WDFY3: variants seen among roughly 807,000 people sequenced by gnomAD.
WDFY3 encodes WD repeat and FYVE domain containing 3.
Under a neutral mutation model 409.6 loss-of-function variants are expected in WDFY3, and 66 were observed. The ratio of observed to expected loss-of-function variants is 0.16; its 90% CI spans 0.13 to 0.20. The LOEUF is 0.20. WDFY3 is among the 10% of genes least tolerant of loss of function. WDFY3 has a pLI of 1.00. For synonymous variants in WDFY3, 1,521 were observed against 1,537.1 expected (o/e 0.99, Z 0.25); for missense variants, 3,031 against 4,298.1 (o/e 0.71, Z 8.24).
chr4:84,678,836 G>T (rs1726813202), intron 65 of WDFY3, 83 bp downstream of exon 65: 27 of 1,442,032 alleles, frequency 1.9e-5, no homozygotes, highest in Non-Finnish European at 2.4e-5. Context: ...GGGGCCCAGG[G>T]AGAGCTAGAC....
chr4:84,865,767 T>G (rs1213457530), intron 3 of WDFY3, among the ~76,000 whole-genome samples: 1 of 152,168 alleles, frequency 6.6e-6, no homozygotes, highest in Non-Finnish European at 1.5e-5. Flanking sequence ...TCTGACACGT[T>G]GCTCTTTTAC....
At chr4:84,799,849 C>CT (rs1311950861) in intron 17 of WDFY3, among the ~76,000 whole-genome samples, 1 of 152,168 alleles carries the variant, frequency 6.6e-6, no homozygotes, top group South Asian at 2.1e-4. Flanking sequence ...CATTTGACTT[C>CT]TTTTTTCTGA....
In WDFY3 at chr4:84,922,491, T is replaced by C. The variant is rs191598354; in HGVS notation, c.-132+9779A>G. Among the ~76,000 whole-genome samples the C allele has an allele frequency of 1.3e-3, 198 of 152,326 alleles. 2 individuals carry two copies. Among genetic ancestry groups the C allele is most frequent in the African/African-American group, 4.4e-3 (182 of 41,576 alleles). On this transcript the variant is annotated intron_variant, in intron 2 of 67. Coordinates refer to ENST00000295888, the MANE Select transcript of WDFY3 (RefSeq NM_014991.6). ...TTTATTAAATTGTAAGTGTGAGTAGTTGTGTGTCAGGACAGGCAGAGTAAA... is the reference window on the plus strand; with the variant it reads ...TTTATTAAATTGTAAGTGTGAGTAGCTGTGTGTCAGGACAGGCAGAGTAAA...
intron 40 of WDFY3, among the ~76,000 whole-genome samples, chr4:84,737,966 A>G (rs1737748004): frequency 6.6e-6 from 1 of 152,138 alleles, no homozygotes; most frequent in South Asian, 2.1e-4. Context: ...CCCAAATGAT[A>G]TTGATGTTGC....
At position 84,671,593 on chromosome 4, in the gene WDFY3, C is replaced by A. The variant is rs1725452419; in HGVS notation, c.*1275G>T. The A allele has an allele frequency of 6.6e-6, 1 of 151,814 alleles. No homozygotes were observed. Among genetic ancestry groups the A allele is most frequent in the Non-Finnish European group, 1.5e-5 (1 of 67,876 alleles). 9.4% of individuals were successfully genotyped at this position (151,814 alleles called of 1,614,324 possible). ...TCTTAGCCCCTTCCAGCTTTAATCC[C>A]CCTGGATTTGTGTGTTCTGTATCCA... On this transcript the variant is annotated 3_prime_UTR_variant, in exon 68 of 68. Coordinates refer to ENST00000295888, the MANE Select transcript of WDFY3 (RefSeq NM_014991.6).
Position 84,786,048 on chromosome 4 carries a change from C to A in WDFY3, c.3993G>T (p.Val1331=), listed in dbSNP as rs1284147265. The A allele has an allele frequency of 4.3e-6, 7 of 1,614,038 alleles. No individual in the cohort carries two copies. The highest frequency in any genetic ancestry group is 5.9e-6 in the Non-Finnish European group (7 of 1,179,970). ...GGATTCTTGCCACTGTTAGAGACGACACAGAGAGTGCATAGAGGCCAAATG... is the reference window on the plus strand; with the variant it reads ...GGATTCTTGCCACTGTTAGAGACGAAACAGAGAGTGCATAGAGGCCAAATG... ...KVSFGLYALS[V]SSLTVARIRK... The change falls in exon 24 of 68, where the codon GTG becomes GTT. Residue 1331 remains valine, a synonymous_variant. Transcript: ENST00000295888.
At chr4:84,813,855 T>C (rs993316175) in intron 13 of WDFY3, among the ~76,000 whole-genome samples, 3 of 152,212 alleles carry the variant, frequency 2.0e-5, no homozygotes, top group Non-Finnish European at 4.4e-5. Flanking sequence ...TAAAATGTTC[T>C]TCAAATATCG....
At chr4:84,705,586 T>C (rs200767310) in intron 53 of WDFY3, 75 bp from the exon 54 acceptor site, 15 of 1,172,230 alleles carry the variant, frequency 1.3e-5, no homozygotes, top group Admixed American at 5.5e-5. Context: ...ACAGTGGCTG[T>C]TGTGGATGAT....
chr4:84,850,469 A>G (rs1487544273), intron 4 of WDFY3, among the ~76,000 whole-genome samples: 2 of 152,040 alleles, frequency 1.3e-5, no homozygotes, highest in Non-Finnish European at 2.9e-5. Flanking sequence ...GGTGCATGCC[A>G]TCATGCCTGG....
In WDFY3 at chr4:84,957,584, T is replaced by C. The variant is rs550774993; in HGVS notation, c.-226+8625A>G. On this transcript the variant is annotated intron_variant, in intron 1 of 67. Transcript: ENST00000295888. ...AAGCCTGCAACAAGAACTGGGGAAT[T>C]TGGAGTTAATGGTCACAGTTTTATG... 6.6e-5 allele frequency among the ~76,000 whole-genome samples: 10 copies of C among 152,240 alleles called. 1 individual carries two copies. The South Asian group carries it at 1.2e-3, about 19-fold the overall frequency.
At chr4:84,899,308 A>T (rs1766039703) in intron 2 of WDFY3, among the ~76,000 whole-genome samples, 1 of 152,228 alleles carries the variant, frequency 6.6e-6, no homozygotes, top group East Asian at 1.9e-4. Context: ...ATAGACCCTC[A>T]GTGTAAGACA....
In WDFY3 at chr4:84,929,707, C is replaced by G. The variant is rs556079146; in HGVS notation, c.-132+2563G>C. On this transcript the variant is annotated intron_variant, in intron 2 of 67. Coordinates refer to ENST00000295888, the MANE Select transcript of WDFY3 (RefSeq NM_014991.6). ...GGTGGATCACCTGAGGTCAGGAGTT[C>G]GAGAACAGCCTGGCCAACATGGCAA... 1.2e-4 allele frequency among the ~76,000 whole-genome samples: 18 copies of G among 152,048 alleles called. No homozygotes were observed. In the South Asian group the frequency reaches 3.7e-3, roughly 32 times the overall value.
At chr4:84,692,860 A>T (rs1729486799) in intron 59 of WDFY3, 25 bp downstream of exon 59, 1 of 1,571,424 alleles carries the variant, frequency 6.4e-7, no homozygotes, top group African/African-American at 1.4e-5. Flanking sequence ...ATCATTAATC[A>T]AAAGTTTATT....
Position 84,787,682 on chromosome 4 carries a change from G to A in WDFY3, c.3701C>T (p.Ser1234Leu), listed in dbSNP as rs1006925743. 2 of 1,613,912 alleles carry A rather than the reference G, an allele frequency of 1.2e-6. No homozygotes were observed. Among genetic ancestry groups the A allele is most frequent in the Non-Finnish European group, 1.7e-6 (2 of 1,179,918 alleles). The change falls in exon 23 of 68, where the codon TCA becomes TTA. Residue 1234 changes from serine to leucine, a missense_variant. Coordinates refer to ENST00000295888, the MANE Select transcript of WDFY3 (RefSeq NM_014991.6). The stretch of plus-strand genomic sequence containing the variant: ...CACCACTGGTGGATTTGCCGAACCT[G>A]AACCCCCTGGAGTACTGTGGACATA... Reference protein sequence around the residue: ...LHYVHSTPGGSGSANPPVVST... With the variant: ...LHYVHSTPGGLGSANPPVVST...
chr4:84,725,897 G>A (rs1488200733), intron 45 of WDFY3, among the ~76,000 whole-genome samples: 2 of 151,860 alleles, frequency 1.3e-5, no homozygotes, highest in Admixed American at 1.3e-4. Flanking sequence ...TTAACTTCAG[G>A]TACAGAGCAA....
chr4:84,703,110 C>G (rs896775335), intron 55 of WDFY3, among the ~76,000 whole-genome samples: 1 of 150,808 alleles, frequency 6.6e-6, no homozygotes, highest in Non-Finnish European at 1.5e-5. Context: ...AAAAAAAAAC[C>G]AAACAAACAA....
At chr4:84,699,310 T>C (rs533003676) in intron 56 of WDFY3, among the ~76,000 whole-genome samples, 3 of 152,302 alleles carry the variant, frequency 2.0e-5, no homozygotes, top group East Asian at 1.9e-4. Context: ...AAATGTACAA[T>C]ATGTGACTGT....
At chr4:84,955,002 G>GA (rs1162174610) in intron 1 of WDFY3, among the ~76,000 whole-genome samples, 1 of 152,112 alleles carries the variant, frequency 6.6e-6, no homozygotes, top group East Asian at 1.9e-4. Context: ...CTCAGGAGTT[G>GA]AAGACCAGCC....
intron 3 of WDFY3, among the ~76,000 whole-genome samples, chr4:84,861,079 T>C (rs1484661): frequency 0.31 from 47,642 of 151,870 alleles, 7,595 homozygotes; most frequent in East Asian, 0.44. Context: ...GGTATGGTAG[T>C]GTGCGCGTAT....
Sources: allele counts gnomAD v4.1 joint callset (sites outside exome capture counted in the v4.1 genomes callset), GRCh38; gene constraint gnomAD v4.1.1; transcripts MANE v1.5; gene names NCBI Gene and HGNC (gene_info 2026-07-23, HGNC 2026-07-21).